The following GSE1 variants were observed in gnomAD, a reference collection of about 807,000 sequenced individuals.
GSE1 encodes the protein Gse1 coiled-coil protein, also known as genetic suppressor element 1.
Under a neutral mutation model 112.6 loss-of-function variants are expected in GSE1, and 32 were observed. That is an observed-to-expected ratio of 0.28 (90% CI 0.21 to 0.38). GSE1 has a LOEUF of 0.38. GSE1 is among the 10% of genes least tolerant of loss of function. The pLI, the probability that GSE1 is intolerant of heterozygous loss-of-function variation, is 1.00. For synonymous variants in GSE1, 1,115 were observed against 735.6 expected, an observed-to-expected ratio of 1.52 and a Z score of -8.35; for missense variants, 2,348 against 1,699.2, an observed-to-expected ratio of 1.38 and a Z score of -6.71.
chr16:85,571,494 C>G (rs2045978142), intron 1 of GSE1, among the ~76,000 whole-genome samples: 1 of 152,216 alleles, frequency 6.6e-6, no homozygotes, highest in Non-Finnish European at 1.5e-5. Flanking sequence ...CCGGACCGTG[C>G]CAGTCCTCAG....
intron 1 of GSE1, among the ~76,000 whole-genome samples, chr16:85,566,419 C>T (rs890902155): frequency 2.0e-5 from 3 of 152,244 alleles, no homozygotes; most frequent in Admixed American, 6.5e-5. Context: ...GTGAGGTCGT[C>T]CTGGCCCTCT....
chr16:85,633,228 G>A (rs564101081), intron 1 of GSE1, among the ~76,000 whole-genome samples: 45 of 152,302 alleles, frequency 3.0e-4, no homozygotes, highest in African/African-American at 9.1e-4. Flanking sequence ...CTTCCCCACC[G>A]CTCCCTGTCA....
intron 1 of GSE1, among the ~76,000 whole-genome samples, chr16:85,232,329 C>T (rs1904295156): frequency 6.6e-6 from 1 of 152,166 alleles, no homozygotes; most frequent in African/African-American, 2.4e-5. Flanking sequence ...GTTCTGTCCA[C>T]TTGACATCTA....
chr16:85,170,646 C>T (rs1482985493), exon 1 of GSE1: 5 of 985,448 alleles, frequency 5.1e-6, no homozygotes, highest in South Asian at 9.4e-5. Context: ...TCTGCGGGGC[C>T]CCGCTGTCCC....
At chr16:85,494,007 C>A (rs772564669) in intron 2 of GSE1, among the ~76,000 whole-genome samples, 2 of 152,156 alleles carry the variant, frequency 1.3e-5, no homozygotes, top group Non-Finnish European at 2.9e-5. Flanking sequence ...TCGCTTGGGC[C>A]CAGGAGTTTG....
At chr16:85,498,732 G>T (rs144606163) in intron 2 of GSE1, among the ~76,000 whole-genome samples, 5 of 152,374 alleles carry the variant, frequency 3.3e-5, no homozygotes, top group Admixed American at 6.5e-5. Flanking sequence ...GGGTTCCCCA[G>T]GGCCTGGGAG....
intron 3 of GSE1, among the ~76,000 whole-genome samples, chr16:85,651,916 A>G (rs916660109): frequency 2.0e-5 from 3 of 152,218 alleles, no homozygotes; most frequent in Admixed American, 2.0e-4. Flanking sequence ...CGTCTTGTTA[A>G]GTCCATCCCA....
chr16:85,416,005 C>T (rs527486677), intron 2 of GSE1, among the ~76,000 whole-genome samples: 27 of 152,266 alleles, frequency 1.8e-4, no homozygotes, highest in Non-Finnish European at 3.1e-4. Context: ...CTCACCATCG[C>T]GGCACTGTGG....
chr16:85,480,927 C>T (rs887412228), intron 2 of GSE1, among the ~76,000 whole-genome samples: 2 of 152,236 alleles, frequency 1.3e-5, no homozygotes, highest in African/African-American at 4.8e-5. Context: ...GGCGGTGCCC[C>T]CAGGGAGCAG....
chr16:85,470,835 G>A (rs1324892033), intron 2 of GSE1, among the ~76,000 whole-genome samples: 5 of 152,338 alleles, frequency 3.3e-5, no homozygotes, highest in Admixed American at 6.5e-5. Flanking sequence ...CAGTGTAACC[G>A]TGGCAGTTTG....
intron 1 of GSE1, among the ~76,000 whole-genome samples, chr16:85,286,896 T>C (rs115305062): frequency 0.035 from 5,339 of 152,252 alleles, 216 homozygotes; most frequent in African/African-American, 0.095. Flanking sequence ...ATGGGCTCCG[T>C]GGGCTAGGGC....
At chr16:85,211,903 G>A (rs978931250) in intron 1 of GSE1, among the ~76,000 whole-genome samples, 6 of 152,218 alleles carry the variant, frequency 3.9e-5, no homozygotes, top group Non-Finnish European at 8.8e-5. Flanking sequence ...TTGAGCGCCT[G>A]GATTTCAAGG....
chr16:85,450,611 G>C (rs959017836), intron 2 of GSE1, among the ~76,000 whole-genome samples: 1 of 151,360 alleles, frequency 6.6e-6, no homozygotes, highest in African/African-American at 2.4e-5. Flanking sequence ...ACCATGCCCA[G>C]CTACTTTTTT....
intron 1 of GSE1, among the ~76,000 whole-genome samples, chr16:85,574,388 C>G (rs925633903): frequency 3.3e-5 from 5 of 152,212 alleles, no homozygotes; most frequent in African/African-American, 9.6e-5. Flanking sequence ...GAGGGCTCTT[C>G]TTGACACCCG....
intron 1 of GSE1, among the ~76,000 whole-genome samples, chr16:85,572,371 CACACACCACATACCCCCACACACAA>C (rs1203505188): frequency 1.3e-5 from 2 of 148,584 alleles, no homozygotes; most frequent in Non-Finnish European, 3.0e-5. Context: ...TCACACACCA[CACACACCACATACCCCCACACACAA>C]ACACACCACA....
intron 1 of GSE1, among the ~76,000 whole-genome samples, chr16:85,578,700 A>G (rs2046330222): frequency 6.6e-6 from 1 of 151,532 alleles, no homozygotes; most frequent in Non-Finnish European, 1.5e-5. Flanking sequence ...TCTTGAGAGT[A>G]AAAGCCAGCA....
At chr16:85,591,035 C>T (rs1349194178) in intron 1 of GSE1, among the ~76,000 whole-genome samples, 1 of 152,128 alleles carries the variant, frequency 6.6e-6, no homozygotes, top group East Asian at 1.9e-4. Flanking sequence ...TGCCTGTGTC[C>T]CGAGGGCCAC....
chr16:85,614,247 C>G (rs917330280), intron 1 of GSE1, among the ~76,000 whole-genome samples: 3 of 152,308 alleles, frequency 2.0e-5, no homozygotes, highest in Non-Finnish European at 2.9e-5. Flanking sequence ...CCTGCGGCCG[C>G]GCTGATGGGC....
intron 2 of GSE1, among the ~76,000 whole-genome samples, chr16:85,438,473 A>G (rs2049303894): frequency 6.6e-6 from 1 of 152,166 alleles, no homozygotes; most frequent in Non-Finnish European, 1.5e-5. Flanking sequence ...GTGGTGGTGG[A>G]CCTGCTCTAA....
Sources: allele counts gnomAD v4.1 joint callset (sites outside exome capture counted in the v4.1 genomes callset), GRCh38; gene constraint gnomAD v4.1.1; transcripts MANE v1.5; gene names NCBI Gene and HGNC (gene_info 2026-07-23, HGNC 2026-07-21).